The following HYDIN variants were observed in gnomAD, a reference collection of about 807,000 sequenced individuals.
HYDIN encodes axonemal central pair apparatus protein HYDIN.
A neutral mutation model predicts 403.9 loss-of-function variants in HYDIN; 132 were observed. The observed-to-expected ratio is 0.33, with a 90% confidence interval of 0.28 to 0.38. The LOEUF is 0.38. Ranked by LOEUF, HYDIN falls within the 10% of genes least tolerant of loss-of-function variation. The pLI, the probability that HYDIN is intolerant of heterozygous loss-of-function variation, is 1.00. For synonymous variants in HYDIN, 1,202 were observed against 1,891.7 expected, an observed-to-expected ratio of 0.64 and a Z score of 9.46; for missense variants, 2,827 against 5,009.5, an observed-to-expected ratio of 0.56 and a Z score of 13.15.
At chr16:71,173,772 T>C (rs1308428515) in intron 5 of HYDIN, among the ~76,000 whole-genome samples, 2 of 152,186 alleles carry the variant, frequency 1.3e-5, no homozygotes, top group African/African-American at 4.8e-5. Context: ...ATAATCCTCA[T>C]GCCAATATAG....
intron 65 of HYDIN, among the ~76,000 whole-genome samples, chr16:70,869,905 T>C (rs2039995317): frequency 6.6e-6 from 1 of 151,488 alleles, no homozygotes; most frequent in African/African-American, 2.4e-5. Flanking sequence ...TTGGAACTTC[T>C]TAGAGACTTG....
intron 25 of HYDIN, 66 bp downstream of exon 25, chr16:70,991,252 T>C (rs2079341115): frequency 6.2e-7 from 1 of 1,604,336 alleles, no homozygotes; most frequent in Admixed American, 1.7e-5. Context: ...CTGCTCCTGA[T>C]TCTGCCTTTG....
chr16:70,834,270 T>G (rs2037218181), intron 78 of HYDIN, 106 bp from the exon 79 acceptor site: 3 of 659,540 alleles, frequency 4.5e-6, no homozygotes, highest in Non-Finnish European at 5.3e-6. Context: ...CAGATCTCAC[T>G]CCTGCTCTCC....
Position 70,866,238 on chromosome 16 carries a change from G to A in HYDIN, c.11402C>T (p.Ala3801Val). ...QLQISANVDF[A>V]SYHCQARDVR... ...ATCTCTTGCTTGGCAATGGTATGAA[G>A]CGAAATCCACATTGGCACTGATTTG... The change falls in exon 67 of 86, where the codon GCT becomes GTT. Residue 3801 changes from alanine (A) to valine (V), a missense_variant. Physicochemically the swap from Ala to Val is moderately conservative, Grantham distance 64 (BLOSUM62 0). Transcript: ENST00000393567. 1 of 1,418,878 alleles carries A rather than the reference G, an allele frequency of 7.0e-7. No individual in the cohort carries two copies. Among genetic ancestry groups the A allele is most frequent in the Non-Finnish European group, 9.9e-7 (1 of 1,005,902 alleles). The allele number at this position is 1,418,878 out of a possible 1,614,324, so 87.9% of individuals were successfully genotyped here.
chr16:70,982,320 C>A (rs1253503007), intron 28 of HYDIN, among the ~76,000 whole-genome samples: 3 of 150,844 alleles, frequency 2.0e-5, no homozygotes, highest in Admixed American at 1.3e-4. Flanking sequence ...TATACAGAAG[C>A]TGAAAAATGA....
chr16:70,905,930 C>T (rs1330856167), intron 50 of HYDIN, among the ~76,000 whole-genome samples: 1 of 151,574 alleles, frequency 6.6e-6, no homozygotes, highest in Non-Finnish European at 1.5e-5. Flanking sequence ...CAGCAAATTC[C>T]CTTCATCTTC....
At position 70,842,909 on chromosome 16, in the gene HYDIN, T is replaced by C. The variant is rs1344856974; in HGVS notation, c.12874-2676A>G. ...TAAATTCCCTTGCCATTTGTTTTAC[T>C]ATATTCTTTTGAGTTGTTGTATTAG... On this transcript the variant is annotated intron_variant, in intron 75 of 85. Coordinates refer to ENST00000393567, the MANE Select transcript of HYDIN (RefSeq NM_001270974.2). Among the ~76,000 whole-genome samples, 3 of 151,934 alleles carry C rather than the reference T, an allele frequency of 2.0e-5. No homozygotes were observed. The East Asian group carries it at 5.8e-4, about 29-fold the overall frequency.
chr16:70,888,145 C>T (rs1222458308), intron 58 of HYDIN, among the ~76,000 whole-genome samples: 1 of 152,268 alleles, frequency 6.6e-6, no homozygotes, highest in African/African-American at 2.4e-5. Context: ...TCCAAGCATG[C>T]TTATAATTGC....
chr16:71,205,806 C>A (rs2144718491), intron 1 of HYDIN, among the ~76,000 whole-genome samples: 1 of 152,306 alleles, frequency 6.6e-6, no homozygotes, highest in Non-Finnish European at 1.5e-5. Context: ...GAAGACCCTA[C>A]CCACCCCTGC....
intron 18 of HYDIN, among the ~76,000 whole-genome samples, chr16:71,057,428 G>A (rs887489315): frequency 6.6e-6 from 1 of 152,128 alleles, no homozygotes; most frequent in Non-Finnish European, 1.5e-5. Flanking sequence ...TGGGACCAAC[G>A]TCTCTGGTGA....
Position 70,894,560 on chromosome 16 carries a change from A to G in HYDIN, c.9149-12T>C. On this transcript the variant is annotated splice_polypyrimidine_tract_variant and intron_variant, in intron 54 of 85. Transcript: ENST00000393567. ...TCCCCCTTCAGCTCCTGCAGAGACC[A>G]GGGGCCAGGGCAGAGAGGGGTGAAT... The G allele has an allele frequency of 6.7e-7, 1 of 1,496,628 alleles. No homozygotes were observed. The highest frequency in any genetic ancestry group is 9.0e-7 in the Non-Finnish European group (1 of 1,112,898). 92.7% of individuals were successfully genotyped at this position (1,496,628 alleles called of 1,614,324 possible).
At chr16:70,994,406 C>T (rs901636975) in intron 23 of HYDIN, among the ~76,000 whole-genome samples, 5 of 151,948 alleles carry the variant, frequency 3.3e-5, no homozygotes, top group Non-Finnish European at 4.4e-5. Context: ...TAAAGAGTGG[C>T]GATGGGAAAG....
chr16:71,135,711 A>G (rs929521853), intron 8 of HYDIN, among the ~76,000 whole-genome samples: 2 of 152,118 alleles, frequency 1.3e-5, no homozygotes, highest in Non-Finnish European at 2.9e-5. Context: ...GCAGTACTGG[A>G]TCCTTTTCCT....
At chr16:70,851,715 TCTTTACAAAAAAC>T (rs1382952439) in intron 73 of HYDIN, among the ~76,000 whole-genome samples, 4 of 144,872 alleles carry the variant, frequency 2.8e-5, no homozygotes, top group African/African-American at 1.1e-4. Context: ...CACAGCAATC[TCTTTACAAAAAAC>T]AAAGCAATCT....
intron 9 of HYDIN, among the ~76,000 whole-genome samples, chr16:71,126,885 C>T (rs981642889): frequency 4.6e-5 from 7 of 151,798 alleles, no homozygotes; most frequent in Non-Finnish European, 1.0e-4. Flanking sequence ...CATTTATTTA[C>T]CTGAATCGGA....
At chr16:71,106,326 G>A (rs2083614931) in intron 10 of HYDIN, among the ~76,000 whole-genome samples, 1 of 152,072 alleles carries the variant, frequency 6.6e-6, no homozygotes, top group Non-Finnish European at 1.5e-5. Flanking sequence ...CTTTGTTTAT[G>A]TTTTTACGTG....
At chr16:71,113,643 G>C (rs1467301909) in intron 10 of HYDIN, 2 of 149,906 alleles carry the variant, frequency 1.3e-5, no homozygotes, top group African/African-American at 5.0e-5. Flanking sequence ...ACCCAGGCTG[G>C]TGTCCCGTGG....
intron 84 of HYDIN, among the ~76,000 whole-genome samples, chr16:70,813,373 C>T (rs1015152147): frequency 2.0e-5 from 3 of 151,984 alleles, no homozygotes; most frequent in African/African-American, 4.8e-5. Context: ...AAGCCTCCAG[C>T]CAACAGCCAG....
At chr16:70,973,006 T>A (rs2078776823) in intron 35 of HYDIN, among the ~76,000 whole-genome samples, 1 of 152,264 alleles carries the variant, frequency 6.6e-6, no homozygotes, top group African/African-American at 2.4e-5. Flanking sequence ...TAAGGACTTC[T>A]GATATGCAAC....
Sources: gnomAD v4.1 joint callset for allele counts (sites outside exome capture counted in the v4.1 genomes callset) on GRCh38, gnomAD v4.1.1 for gene constraint, MANE v1.5 for transcripts, NCBI Gene and HGNC (gene_info 2026-07-23, HGNC 2026-07-21) for gene names.